Variants in DRICH1 observed in about 807,000 individuals in gnomAD.
DRICH1 encodes aspartate rich 1, also known as aspartate-rich protein 1.
Under a neutral mutation model 39.5 loss-of-function variants are expected in DRICH1, and 38 were observed. The ratio of observed to expected loss-of-function variants is 0.96; its 90% CI spans 0.74 to 1.26. DRICH1 has a LOEUF of 1.26. Among genes scored for constraint, DRICH1 ranks in the 50% most tolerant of loss-of-function variants. The pLI is 0.00. For missense variants in DRICH1, 279 were observed against 270.4 expected, an observed-to-expected ratio of 1.03 and a Z score of -0.22; for synonymous variants, 84 against 99.5, an observed-to-expected ratio of 0.84 and a Z score of 0.93.
downstream of DRICH1, chr22:23,607,265 T>C (rs1235201676): frequency 1.3e-5 from 2 of 152,332 alleles, no homozygotes; most frequent in Non-Finnish European, 2.9e-5. Context: ...GTGCCAGGCA[T>C]TGTCTCCAAA....
chr22:23,620,085 A>G (rs1409226473), intron 5 of DRICH1, among the ~76,000 whole-genome samples: 2 of 152,196 alleles, frequency 1.3e-5, no homozygotes, highest in African/African-American at 4.8e-5. Context: ...GAACAAAAAC[A>G]TAGGATACTC....
intron 1 of DRICH1, among the ~76,000 whole-genome samples, chr22:23,627,051 G>A (rs1928106693): frequency 6.6e-6 from 1 of 150,384 alleles, no homozygotes; most frequent in South Asian, 2.1e-4. Flanking sequence ...CACGGTGGCT[G>A]TTGTGATGAG....
the DRICH1 span, among the ~76,000 whole-genome samples, chr22:23,598,236 G>A: frequency 6.6e-6 from 1 of 150,414 alleles, no homozygotes; most frequent in African/African-American, 2.5e-5. Context: ...GCTTCTCCTT[G>A]ACCAGAGTGA....
the DRICH1 span, among the ~76,000 whole-genome samples, chr22:23,582,555 C>CTTTTATTATTATTATTA: frequency 9.0e-5 from 13 of 143,880 alleles, 1 homozygote; most frequent in East Asian, 8.0e-4. Context: ...CCTTCAGGGG[C>CTTTTATTATTATTATTA]TTATTATTAT....
rs903019212 is a variant in DRICH1, at chr22:23,611,841, C to T, written c.685+1448G>A. ...GAGGCGGGTGTAAACAAACCTACTGCGCTGCGTCATTACAGTAAAACAACA... is the reference window on the plus strand; with the variant it reads ...GAGGCGGGTGTAAACAAACCTACTGTGCTGCGTCATTACAGTAAAACAACA... On this transcript the variant is annotated intron_variant, in intron 11 of 11. Coordinates refer to ENST00000317749, the MANE Select transcript of DRICH1 (RefSeq NM_016449.4). 5.3e-5 allele frequency among the ~76,000 whole-genome samples: 8 copies of T among 152,066 alleles called. No individual in the cohort carries two copies. In the South Asian group the frequency reaches 8.3e-4, roughly 16 times the overall value.
chr22:23,607,416 A>G (rs1602324748), downstream of DRICH1, among the ~76,000 whole-genome samples: 1 of 151,940 alleles, frequency 6.6e-6, no homozygotes, highest in South Asian at 2.1e-4. Context: ...GAGCACAAAG[A>G]CTCAGAGCTT....
At chr22:23,613,122 T>C (rs17002839) in intron 11 of DRICH1, among the ~76,000 whole-genome samples, 167 bp downstream of exon 11, 7,873 of 152,212 alleles carry the variant, frequency 0.052, 630 homozygotes, top group African/African-American at 0.18. Flanking sequence ...GTTCTTACCA[T>C]GATGCCAAGA....
the DRICH1 span, among the ~76,000 whole-genome samples, chr22:23,599,828 G>GAC: frequency 6.6e-6 from 1 of 152,172 alleles, no homozygotes; most frequent in Non-Finnish European, 1.5e-5. Flanking sequence ...CTCATCTGCA[G>GAC]CCTGAGCTCT....
At chr22:23,601,471 G>A in the DRICH1 span, among the ~76,000 whole-genome samples, 1 of 152,188 alleles carries the variant, frequency 6.6e-6, no homozygotes, top group African/African-American at 2.4e-5. Flanking sequence ...ATCACATACT[G>A]TATGATTCCA....
chr22:23,600,184 C>A, the DRICH1 span, among the ~76,000 whole-genome samples: 1 of 152,298 alleles, frequency 6.6e-6, no homozygotes, highest in South Asian at 2.1e-4. Context: ...CTACCCAAGA[C>A]CTTAGGGTCC....
At chr22:23,592,834 A>G in the DRICH1 span, among the ~76,000 whole-genome samples, 27,368 of 127,030 alleles carry the variant, frequency 0.22, 3,115 homozygotes, top group Admixed American at 0.34. Flanking sequence ...TCTATTAAAA[A>G]TACACACACA....
chr22:23,593,385 C>T, the DRICH1 span, among the ~76,000 whole-genome samples: 162 of 152,186 alleles, frequency 1.1e-3, no homozygotes, highest in African/African-American at 3.8e-3. Context: ...GCAAACAGGC[C>T]GGGTGCGGTG....
chr22:23,627,136 G>GA (rs1429146784), intron 1 of DRICH1, among the ~76,000 whole-genome samples: 1 of 145,164 alleles, frequency 6.9e-6, no homozygotes. Context: ...ACAATGGCAT[G>GA]ATCTCGGCTC....
chr22:23,613,694 C>A, intron 9 of DRICH1, 34 bp from the exon 10 acceptor site: 2 of 1,533,314 alleles, frequency 1.3e-6, no homozygotes, highest in South Asian at 2.2e-5. Flanking sequence ...TTATGAAAAT[C>A]AGATTCTGCT....
intron 8 of DRICH1, among the ~76,000 whole-genome samples, chr22:23,616,334 G>A (rs531976580): frequency 7.9e-5 from 12 of 152,194 alleles, no homozygotes; most frequent in African/African-American, 2.4e-4. Context: ...AGAGGTGATC[G>A]AAAACACAGG....
chr22:23,627,432 TGA>T (rs1325182009), intron 1 of DRICH1, among the ~76,000 whole-genome samples: 1 of 152,178 alleles, frequency 6.6e-6, no homozygotes, highest in Non-Finnish European at 1.5e-5. Flanking sequence ...CAGATATGAC[TGA>T]GAACCTCACT....
downstream of DRICH1, among the ~76,000 whole-genome samples, chr22:23,606,712 G>T (rs1326147174): frequency 6.6e-6 from 1 of 152,108 alleles, no homozygotes; most frequent in Non-Finnish European, 1.5e-5. Flanking sequence ...TGAGGTGCGG[G>T]ATCTCCCAGG....
rs2123756621 is a variant in DRICH1 at position 23,608,732 on chromosome 22, G to A, written c.*32C>T. The A allele has an allele frequency of 1.9e-6, 3 of 1,555,778 alleles. No homozygotes were observed. Among genetic ancestry groups the A allele is most frequent in the Non-Finnish European group, 2.6e-6 (3 of 1,148,688 alleles). On this transcript the variant is annotated 3_prime_UTR_variant, in exon 12 of 12. Coordinates refer to ENST00000317749, the MANE Select transcript of DRICH1 (RefSeq NM_016449.4). ...CAGCACGCGCTGGCCTGCCCTTTGG[G>A]TCAGCACCCTGGTCAGCTCCACAGA...
chr22:23,616,149 G>T (rs1927333852), intron 8 of DRICH1, among the ~76,000 whole-genome samples: 1 of 152,188 alleles, frequency 6.6e-6, no homozygotes, highest in Non-Finnish European at 1.5e-5. Context: ...TTCATAAGGT[G>T]AGAATTAATC....
Sources: gnomAD v4.1 joint callset for allele counts (sites outside exome capture counted in the v4.1 genomes callset) on GRCh38, gnomAD v4.1.1 for gene constraint, MANE v1.5 for transcripts, NCBI Gene and HGNC (gene_info 2026-07-23, HGNC 2026-07-21) for gene names.